Variants in TAFA5 observed in about 807,000 individuals in gnomAD.
TAFA5 encodes TAFA chemokine like family member 5.
Under a neutral mutation model 15.3 loss-of-function variants are expected in TAFA5, and 6 were observed. That is an observed-to-expected ratio of 0.39 (90% CI 0.21 to 0.77). TAFA5 has a LOEUF of 0.77. Ranked by LOEUF, TAFA5 falls within the 30% of genes least tolerant of loss-of-function variation. The pLI is 0.41. For synonymous variants in TAFA5, 103 were observed against 80.7 expected, an observed-to-expected ratio of 1.28 and a Z score of -1.48; for missense variants, 161 against 193.1, an observed-to-expected ratio of 0.83 and a Z score of 0.98.
intron 3 of TAFA5, among the ~76,000 whole-genome samples, chr22:48,719,611 C>T (rs1036304440): frequency 1.3e-5 from 2 of 152,216 alleles, no homozygotes; most frequent in African/African-American, 4.8e-5. Context: ...ACAAAGAAGG[C>T]TGAGGCTTAA....
intron 1 of TAFA5, among the ~76,000 whole-genome samples, chr22:48,553,999 G>A (rs1922945749): frequency 1.3e-5 from 2 of 152,238 alleles, no homozygotes; most frequent in Admixed American, 6.5e-5. Flanking sequence ...CCCCCAAAGC[G>A]ACAAATGAGG....
chr22:48,609,217 G>A (rs28445795), intron 1 of TAFA5, among the ~76,000 whole-genome samples: 19,348 of 152,098 alleles, frequency 0.13, 1,332 homozygotes, highest in African/African-American at 0.17. Context: ...AGCTCAGCAG[G>A]TTCCTGGGTG....
intron 3 of TAFA5, among the ~76,000 whole-genome samples, chr22:48,744,078 A>G (rs115088005): frequency 1.3e-3 from 202 of 152,344 alleles, no homozygotes; most frequent in African/African-American, 4.4e-3. Flanking sequence ...AGATGGAGTC[A>G]TCCCTGAACC....
At chr22:48,667,032 G>T (rs911169503) in intron 2 of TAFA5, among the ~76,000 whole-genome samples, 1 of 152,154 alleles carries the variant, frequency 6.6e-6, no homozygotes, top group African/African-American at 2.4e-5. Context: ...CCCAAACAGG[G>T]ACAGCCTGGG....
At chr22:48,691,598 C>T (rs1370428306) in intron 2 of TAFA5, among the ~76,000 whole-genome samples, 2 of 152,214 alleles carry the variant, frequency 1.3e-5, no homozygotes, top group African/African-American at 4.8e-5. Context: ...ACGGAGGACG[C>T]GCCAGGAGCA....
At chr22:48,707,613 G>A in intron 2 of TAFA5, 104 bp from the exon 3 acceptor site, 1 of 1,420,790 alleles carries the variant, frequency 7.0e-7, no homozygotes, top group Non-Finnish European at 9.5e-7. Flanking sequence ...GCCGGGCATT[G>A]CCTGAGGGCC....
chr22:48,634,329 T>C (rs1004445571), intron 1 of TAFA5, among the ~76,000 whole-genome samples: 1 of 152,154 alleles, frequency 6.6e-6, no homozygotes, highest in Non-Finnish European at 1.5e-5. Context: ...CACTCACTTA[T>C]TCAATCATTC....
chr22:48,717,727 GC>G (rs1929445566), intron 3 of TAFA5, among the ~76,000 whole-genome samples: 1 of 152,234 alleles, frequency 6.6e-6, no homozygotes, highest in South Asian at 2.1e-4. Context: ...AGCAGGCATG[GC>G]CTCTGCCCTC....
At chr22:48,618,920 C>T (rs1925709886) in intron 1 of TAFA5, among the ~76,000 whole-genome samples, 2 of 152,306 alleles carry the variant, frequency 1.3e-5, no homozygotes, top group African/African-American at 2.4e-5. Context: ...CCCTGGGAGG[C>T]TGGTGGAGTC....
At chr22:48,595,635 ACG>A (rs1924738307) in intron 1 of TAFA5, among the ~76,000 whole-genome samples, 1 of 152,238 alleles carries the variant, frequency 6.6e-6, no homozygotes, top group African/African-American at 2.4e-5. Flanking sequence ...GTGCTGCCAC[ACG>A]CAGTGCAGCG....
At position 48,584,365 on chromosome 22, in the gene TAFA5, ACACAGTACACACCACACG is replaced by A. The variant is rs1175655888; in HGVS notation, c.113-62214_113-62197del. ...ACACACCACACACACCGTGCACCACACACAGTACACACCACACGCACAGTACACACCACACACATAGAT... is the reference window on the plus strand; with the variant it reads ...ACACACCACACACACCGTGCACCACACACAGTACACACCACACACATAGAT... On this transcript the variant is annotated intron_variant, in intron 1 of 3. Coordinates refer to ENST00000402357, the MANE Select transcript of TAFA5 (RefSeq NM_001082967.3). 1.8e-4 allele frequency among the ~76,000 whole-genome samples: 27 copies of A among 151,136 alleles called. No homozygotes were observed. In the South Asian group the frequency reaches 5.0e-3, roughly 28 times the overall value.
intron 1 of TAFA5, among the ~76,000 whole-genome samples, chr22:48,633,524 G>GTCTCTCTCTCTCTCTCTCTCTCTCTC (rs764536526): frequency 1.1e-5 from 1 of 90,114 alleles, no homozygotes; most frequent in African/African-American, 4.8e-5. Context: ...CTGTCTGTCT[G>GTCTCTCTCTCTCTCTCTCTCTCTCTC]TCTGTCTGTC....
Position 48,661,385 on chromosome 22 carries a change from G to A in TAFA5, c.262+14639G>A, listed in dbSNP as rs1333325490. On this transcript the variant is annotated intron_variant, in intron 2 of 3. Coordinates refer to ENST00000402357, the MANE Select transcript of TAFA5 (RefSeq NM_001082967.3). ...CTGGGCTGAATGGTGTGCAGGCCTC[G>A]AACCCCGGCCGCAGAACTCGCCCCG... 2.6e-5 allele frequency among the ~76,000 whole-genome samples: 4 copies of A among 152,202 alleles called. No individual in the cohort carries two copies. The East Asian group carries it at 5.8e-4, about 22-fold the overall frequency.
intron 3 of TAFA5, among the ~76,000 whole-genome samples, chr22:48,732,737 G>T (rs114368975): frequency 6.6e-6 from 1 of 152,162 alleles, no homozygotes; most frequent in African/African-American, 2.4e-5. Flanking sequence ...AAACAGCATC[G>T]CATGCTACAG....
chr22:48,736,925 G>GGAATATGCTAAAACCATT (rs566567119), intron 3 of TAFA5, among the ~76,000 whole-genome samples: 2,100 of 152,194 alleles, frequency 0.014, 48 homozygotes, highest in African/African-American at 0.048. Flanking sequence ...GCCCAACCTG[G>GGAATATGCTAAAACCATT]GAATTGATGC....
chr22:48,737,455 C>T (rs1473815788), intron 3 of TAFA5, among the ~76,000 whole-genome samples: 1 of 152,184 alleles, frequency 6.6e-6, no homozygotes, highest in East Asian at 1.9e-4. Flanking sequence ...CCCATGAACT[C>T]GCAACTGAAT....
chr22:48,540,542 C>T (rs946517366), intron 1 of TAFA5, among the ~76,000 whole-genome samples: 4 of 151,972 alleles, frequency 2.6e-5, no homozygotes, highest in African/African-American at 9.7e-5. Flanking sequence ...CAAAAAGGAC[C>T]CAGTCCCACC....
At chr22:48,659,501 G>A (rs1423375589) in intron 2 of TAFA5, among the ~76,000 whole-genome samples, 4 of 152,266 alleles carry the variant, frequency 2.6e-5, no homozygotes, top group Non-Finnish European at 4.4e-5. Context: ...CACCACAGCA[G>A]CTGGGCTGGA....
intron 1 of TAFA5, among the ~76,000 whole-genome samples, chr22:48,633,524 G>GTGTCTCTCTC (rs1569056579): frequency 2.2e-5 from 2 of 90,114 alleles, no homozygotes; most frequent in African/African-American, 9.6e-5. Flanking sequence ...CTGTCTGTCT[G>GTGTCTCTCTC]TCTGTCTGTC....
Sources: allele counts gnomAD v4.1 joint callset (sites outside exome capture counted in the v4.1 genomes callset), GRCh38; gene constraint gnomAD v4.1.1; transcripts MANE v1.5; gene names NCBI Gene and HGNC (gene_info 2026-07-23, HGNC 2026-07-21).